The following GYS1 variants were observed in gnomAD, a reference collection of about 807,000 sequenced individuals.
GYS1 encodes the protein glycogen [starch] synthase, muscle.
GYS1 carries 60 observed loss-of-function variants against 89.1 expected under a neutral mutation model. The observed-to-expected ratio is 0.67, with a 90% CI of 0.55 to 0.84. GYS1 has a LOEUF of 0.84. Ranked by LOEUF, GYS1 falls within the 40% of genes least tolerant of loss-of-function variation. The probability of loss-of-function intolerance (pLI) is 0.00; values close to 1 mark genes in which losing one functional copy is unlikely to be tolerated. For synonymous variants in GYS1, 366 were observed against 401.7 expected (o/e 0.91, Z 1.06); for missense variants, 888 against 1,003.1 (o/e 0.89, Z 1.55).
Position 48,974,188 on chromosome 19 carries a change from G to A in GYS1, c.1549+25C>T, listed in dbSNP as rs111288367. 1.0e-3 allele frequency: 1,594 copies of A among 1,576,482 alleles called. 15 individuals carry two copies. The African/African-American group carries it at 0.019, about 19-fold the overall frequency. ...GCTCTGACTAGGATGCCATGACCAC[G>A]CTGTCCCCTGCCCACTACACTCACC... On this transcript the variant is annotated intron_variant, in intron 12 of 15. Transcript: ENST00000323798.
chr19:48,986,716 T>C (rs1419292691), intron 3 of GYS1, among the ~76,000 whole-genome samples: 2 of 152,086 alleles, frequency 1.3e-5, no homozygotes, highest in Admixed American at 1.3e-4. Flanking sequence ...TTGGCCATCT[T>C]GAACTCCTGG....
chr19:48,974,101 C>G (rs1443508446), intron 12 of GYS1, 112 bp downstream of exon 12: 23 of 1,129,892 alleles, frequency 2.0e-5, no homozygotes, highest in Middle Eastern at 2.8e-4. Flanking sequence ...TACCATTGTT[C>G]CTGTTTTGCA....
At position 48,991,526 on chromosome 19, in the gene GYS1, A is replaced by G. The variant is rs766744500; in HGVS notation, c.119-43T>C. ...TGAGGGCAGGCCCCGGCCGAGGTCC[A>G]TAGTTCTGGGGCCTGGGGTGGGGTG... On this transcript the variant is annotated intron_variant, in intron 1 of 15. Transcript: ENST00000323798. This position sits in a 1 kb window ranked among gnomAD's most constrained non-coding sequence, Gnocchi z 4.7. The G allele has an allele frequency of 8.3e-6, 12 of 1,449,336 alleles. No homozygotes were observed. Among genetic ancestry groups the G allele is most frequent in the Admixed American group, 1.8e-5 (1 of 57,040 alleles). 89.8% of individuals were successfully genotyped at this position (1,449,336 alleles called of 1,614,324 possible).
intron 11 of GYS1, 84 bp downstream of exon 11, chr19:48,974,534 CTT>C (rs1298894861): frequency 9.3e-7 from 1 of 1,072,324 alleles, no homozygotes; most frequent in Non-Finnish European, 1.4e-6. Context: ...TTTGATAAAA[CTT>C]ATAGGGGAAT....
chr19:48,982,942 T>C, intron 5 of GYS1, 105 bp from the exon 6 acceptor site: 2 of 885,660 alleles, frequency 2.3e-6, no homozygotes, highest in Non-Finnish European at 3.8e-6. Context: ...GCAATTTTTT[T>C]GTTTCAAGAG....
rs902469491 is a variant in GYS1 at position 48,969,105 on chromosome 19, A to C, written c.*183T>G. 19 of 640,666 alleles carry C rather than the reference A, an allele frequency of 3.0e-5. No individual in the cohort carries two copies. Among genetic ancestry groups the C allele is most frequent in the Admixed American group, 1.1e-4 (4 of 37,458 alleles). 39.7% of individuals were successfully genotyped at this position (640,666 alleles called of 1,614,324 possible). On this transcript the variant is annotated 3_prime_UTR_variant, in exon 16 of 16. Transcript: ENST00000323798. ...GCCAGAGAAAGGCACGGCTTTGTGG[A>C]TTCTGGAGTGCAGGAACTTGGAAAC...
At position 48,969,211 on chromosome 19, in the gene GYS1, G is replaced by T. The variant is rs770504697; in HGVS notation, c.*77C>A. 2.2e-6 allele frequency: 3 copies of T among 1,339,726 alleles called. No individual in the cohort carries two copies. The highest frequency in any genetic ancestry group is 2.7e-5 in the South Asian group (2 of 73,618). The allele number at this position is 1,339,726 out of a possible 1,614,324, so 83.0% of individuals were successfully genotyped here. A position where few individuals can be genotyped will look rare whatever the true frequency, so the allele number is the denominator to read the frequency against. ...CACCCAGTGCAGATCTGGAGCGGGG[G>T]TTTAGGAGCAGCACCCCTCTGCATC... On this transcript the variant is annotated 3_prime_UTR_variant, in exon 16 of 16. Coordinates refer to ENST00000323798, the MANE Select transcript of GYS1 (RefSeq NM_002103.5).
rs751882736 is a variant in GYS1, at chr19:48,985,837, G to A, written c.678+13C>T. On this transcript the variant is annotated intron_variant, in intron 4 of 15. Transcript: ENST00000323798. ...ATACTCGCAGTCCCCCATCTGCCAC[G>A]GTCCCAGCTCACGTTCTCCAGGTTG... 11 of 1,612,394 alleles carry A rather than the reference G, an allele frequency of 6.8e-6. No homozygotes were observed. The highest frequency in any genetic ancestry group is 2.7e-5 in the African/African-American group (2 of 74,846).
chr19:48,989,407 G>A (rs1158522130), intron 2 of GYS1, among the ~76,000 whole-genome samples: 3 of 151,576 alleles, frequency 2.0e-5, no homozygotes, highest in Non-Finnish European at 2.9e-5. Flanking sequence ...GCTTGAACGC[G>A]GGAGGCGGAG....
Position 48,982,796 on chromosome 19 carries a change from C to T in GYS1, c.865G>A (p.Ala289Thr). Residue 289 changes from alanine (A) to threonine (T), a missense_variant, in exon 6 of 16, where the codon GCC becomes ACC. Coordinates refer to ENST00000323798, the MANE Select transcript of GYS1 (RefSeq NM_002103.5). ...TGGAGGTTCTGGAACTCATGCATGG[C>T]AGAAAACTTCTTCACATTCAGCCCA... ...PNGLNVKKFS[A>T]MHEFQNLHAQ... The T allele has an allele frequency of 6.2e-7, 1 of 1,613,736 alleles. No homozygotes were observed. The highest frequency in any genetic ancestry group is 1.1e-5 in the South Asian group (1 of 91,076).
intron 8 of GYS1, among the ~76,000 whole-genome samples, chr19:48,980,039 G>C (rs1050669813): frequency 2.0e-5 from 3 of 152,072 alleles, no homozygotes; most frequent in Non-Finnish European, 4.4e-5. Context: ...CAACCTCCAG[G>C]GCCAAAATGA....
intron 12 of GYS1, among the ~76,000 whole-genome samples, chr19:48,971,503 C>T (rs980796008): frequency 6.6e-6 from 1 of 151,556 alleles, no homozygotes; most frequent in Non-Finnish European, 1.5e-5. Flanking sequence ...CCTTTAACAA[C>T]CTTGAGAAAT....
intron 10 of GYS1, among the ~76,000 whole-genome samples, chr19:48,975,973 G>A (rs1475276329): frequency 2.0e-5 from 3 of 149,914 alleles, no homozygotes; most frequent in African/African-American, 7.4e-5. Flanking sequence ...CCTAACAAAG[G>A]CCCAAAGAAA....
rs546426223 is a variant in GYS1, at chr19:48,968,756, T to C, written c.*532A>G. 1.0e-4 allele frequency: 47 copies of C among 454,186 alleles called. No individual in the cohort carries two copies. The highest frequency in any genetic ancestry group is 9.0e-4 in the African/African-American group (45 of 50,142). The allele number at this position is 454,186 out of a possible 1,614,324, so 28.1% of individuals were successfully genotyped here. On this transcript the variant is annotated 3_prime_UTR_variant, in exon 16 of 16. Transcript: ENST00000323798. ...AACATCCCTCCCAGAGCCCCACTTC[T>C]GGAGTTGAAATGGAGGACCATCTGC...
intron 8 of GYS1, among the ~76,000 whole-genome samples, chr19:48,979,835 CG>C (rs1306688578): frequency 1.3e-5 from 2 of 150,402 alleles, no homozygotes; most frequent in Non-Finnish European, 3.0e-5. Context: ...TTAGGAAAGA[CG>C]GGGTTTCACC....
At chr19:48,985,750 G>A (rs1332367085) in intron 4 of GYS1, 100 bp downstream of exon 4, 1 of 1,523,068 alleles carries the variant, frequency 6.6e-7, no homozygotes, top group Non-Finnish European at 9.1e-7. Context: ...TGGACTCCTG[G>A]ATCCTGGGAG....
At chr19:48,989,257 G>A (rs551306665) in intron 2 of GYS1, among the ~76,000 whole-genome samples, 46 of 151,878 alleles carry the variant, frequency 3.0e-4, no homozygotes, top group Admixed American at 1.3e-3. Flanking sequence ...CGAGGCGGGC[G>A]GATTGCCTGA....
chr19:48,970,055 CAG>C (rs923664929), intron 14 of GYS1, among the ~76,000 whole-genome samples, 200 bp from the exon 15 acceptor site: 2 of 152,190 alleles, frequency 1.3e-5, no homozygotes, highest in African/African-American at 4.8e-5. Flanking sequence ...ACCCCTCAAA[CAG>C]GGGCCGAATT....
At chr19:48,982,660 C>G in intron 6 of GYS1, 60 bp downstream of exon 6, 1 of 1,242,224 alleles carries the variant, frequency 8.1e-7, no homozygotes, top group African/African-American at 1.5e-5. Flanking sequence ...TCCCCCAGAC[C>G]TAGATGGTTA....
Sources: allele counts gnomAD v4.1 joint callset (sites outside exome capture counted in the v4.1 genomes callset), GRCh38; gene constraint gnomAD v4.1.1; non-coding constraint Gnocchi (gnomAD v3.1); transcripts MANE v1.5; gene names NCBI Gene and HGNC (gene_info 2026-07-23, HGNC 2026-07-21).